The following UNC13C variants were observed in gnomAD, a reference collection of about 807,000 sequenced individuals.
UNC13C encodes the protein unc-13 homolog C.
UNC13C carries 174 observed loss-of-function variants against 245.4 expected under a neutral mutation model. The ratio of observed to expected loss-of-function variants is 0.71; its 90% confidence interval spans 0.63 to 0.80. The LOEUF is 0.80. UNC13C is among the 30% of genes least tolerant of loss of function. The probability of loss-of-function intolerance (pLI) is 0.00; values close to 1 mark genes in which losing one functional copy is unlikely to be tolerated. For synonymous variants in UNC13C, 992 were observed against 895.1 expected, an observed-to-expected ratio of 1.11 and a Z score of -1.93; for missense variants, 2,829 against 2,602.9, an observed-to-expected ratio of 1.09 and a Z score of -1.89.
intron 24 of UNC13C, among the ~76,000 whole-genome samples, chr15:54,524,613 C>T (rs750807694): frequency 3.9e-5 from 6 of 152,168 alleles, no homozygotes; most frequent in Non-Finnish European, 8.8e-5. Context: ...GATTATAGGA[C>T]TTATGTCCAA....
intron 25 of UNC13C, among the ~76,000 whole-genome samples, chr15:54,532,391 C>A (rs1469500675): frequency 1.3e-5 from 2 of 152,156 alleles, no homozygotes; most frequent in African/African-American, 4.8e-5. Context: ...ATGCTCATTG[C>A]AACACTATTC....
chr15:54,111,640 A>G (rs1900778914), intron 2 of UNC13C, among the ~76,000 whole-genome samples: 1 of 152,182 alleles, frequency 6.6e-6, no homozygotes, highest in South Asian at 2.1e-4. Flanking sequence ...TAATTACTGA[A>G]TGTTTCCATG....
In UNC13C at chr15:54,184,668, C is replaced by T. The variant is rs1375255555; in HGVS notation, c.3071+40984C>T. Among the ~76,000 whole-genome samples, 33 of 152,194 alleles carry T rather than the reference C, an allele frequency of 2.2e-4. 1 individual carries two copies. Among genetic ancestry groups the T allele is most frequent in the South Asian group, 1.9e-3 (9 of 4,816 alleles). ...ACATTTTCTTAATCCAGTCCATCAT[C>T]GTTGGACATTTGGGTTGGTTCCAAG... is the stretch of plus-strand genomic sequence containing the variant. On this transcript the variant is annotated intron_variant, in intron 4 of 32. Transcript: ENST00000260323.
intron 30 of UNC13C, among the ~76,000 whole-genome samples, chr15:54,572,519 G>C (rs1229161044): frequency 6.7e-6 from 1 of 149,330 alleles, no homozygotes. Flanking sequence ...TCTGCCTCCT[G>C]GGTTCCAGCG....
rs375965716 is a variant in UNC13C at position 54,012,912 on chromosome 15, T to G, written c.9T>G (p.Ala3=). 19 of 1,596,408 alleles carry G rather than the reference T, an allele frequency of 1.2e-5. No individual in the cohort carries two copies. Among genetic ancestry groups the G allele is most frequent in the Non-Finnish European group, 1.6e-5 (19 of 1,172,452 alleles). ...TGCACTAATTGCTCTCCATGGTGGCTAATTTTTTCAAGAGCTTGATTTTAC... is the reference window on the plus strand; with the variant it reads ...TGCACTAATTGCTCTCCATGGTGGCGAATTTTTTCAAGAGCTTGATTTTAC... The part of the protein sequence containing the change: MV[A]NFFKSLILPY... The change falls in exon 2 of 33, where the codon GCT becomes GCG. Residue 3 remains alanine (A), a synonymous_variant. Coordinates refer to ENST00000260323, the MANE Select transcript of UNC13C (RefSeq NM_001080534.3).
At chr15:54,292,858 A>C (rs2414294) in intron 10 of UNC13C, among the ~76,000 whole-genome samples, 51,890 of 148,422 alleles carry the variant, frequency 0.35, 9,425 homozygotes, top group Middle Eastern at 0.43. Flanking sequence ...TCCTCTCTCT[A>C]TATATTATAA....
At chr15:54,585,442 G>A (rs979272371) in intron 30 of UNC13C, among the ~76,000 whole-genome samples, 1 of 152,120 alleles carries the variant, frequency 6.6e-6, no homozygotes, top group Non-Finnish European at 1.5e-5. Flanking sequence ...TGTGCTTCTT[G>A]GGCAGTCTGC....
the UNC13C span, among the ~76,000 whole-genome samples, chr15:53,882,376 A>G: frequency 0.17 from 26,061 of 152,110 alleles, 2,844 homozygotes; most frequent in Non-Finnish European, 0.24. Context: ...TAAAATTTAT[A>G]TATACCCAAA....
intron 19 of UNC13C, among the ~76,000 whole-genome samples, chr15:54,473,793 T>C (rs1892584045): frequency 6.6e-6 from 1 of 151,886 alleles, no homozygotes; most frequent in Admixed American, 6.6e-5. Flanking sequence ...GTTACACATG[T>C]AGTGGTGAAG....
the UNC13C span, among the ~76,000 whole-genome samples, chr15:53,908,797 A>AT: frequency 2.8e-5 from 4 of 142,974 alleles, 2 homozygotes; most frequent in Admixed American, 1.5e-4. Flanking sequence ...GGTTTTATAC[A>AT]TTTTTTCAAA....
At chr15:54,238,070 T>C (rs954101927) in intron 7 of UNC13C, among the ~76,000 whole-genome samples, 5 of 117,966 alleles carry the variant, frequency 4.2e-5, no homozygotes, top group African/African-American at 1.8e-4. Context: ...CTCAGGACTT[T>C]TATAGGTTTT....
At chr15:54,096,219 G>A (rs1372317104) in intron 2 of UNC13C, among the ~76,000 whole-genome samples, 2 of 152,176 alleles carry the variant, frequency 1.3e-5, no homozygotes, top group Non-Finnish European at 2.9e-5. Flanking sequence ...ATTCAGATCT[G>A]AAGCTTAAAA....
intron 19 of UNC13C, among the ~76,000 whole-genome samples, chr15:54,420,267 C>T (rs761491780): frequency 2.2e-4 from 33 of 152,178 alleles, no homozygotes; most frequent in Middle Eastern, 3.4e-3. Context: ...AGGTGACATA[C>T]TTACATGGCT....
chr15:53,874,799 A>G, the UNC13C span, among the ~76,000 whole-genome samples: 49 of 152,204 alleles, frequency 3.2e-4, no homozygotes, highest in Non-Finnish European at 5.6e-4. Flanking sequence ...CCATGTAAAT[A>G]ATTTAAAAAA....
At chr15:54,552,565 A>C (rs1330104026) in intron 28 of UNC13C, among the ~76,000 whole-genome samples, 2 of 18,562 alleles carry the variant, frequency 1.1e-4, no homozygotes, top group Admixed American at 1.8e-3. Flanking sequence ...ATAATTATAT[A>C]TTATATATAA....
At chr15:54,124,054 C>T (rs12913030) in intron 2 of UNC13C, among the ~76,000 whole-genome samples, 57,415 of 151,792 alleles carry the variant, frequency 0.38, 10,974 homozygotes, top group African/African-American at 0.41. Context: ...TGCTGACTAG[C>T]GTCCTATGAC....
chr15:53,909,270 G>A, the UNC13C span, among the ~76,000 whole-genome samples: 1 of 146,260 alleles, frequency 6.8e-6, no homozygotes, highest in Non-Finnish European at 1.5e-5. Flanking sequence ...TTTCTGCACT[G>A]TGCTTTTTTT....
At chr15:54,588,036 G>A (rs1333314692) in intron 30 of UNC13C, among the ~76,000 whole-genome samples, 2 of 152,134 alleles carry the variant, frequency 1.3e-5, no homozygotes, top group African/African-American at 4.8e-5. Flanking sequence ...ATGGTGTTCT[G>A]TATTAGGCAT....
intron 8 of UNC13C, among the ~76,000 whole-genome samples, chr15:54,258,709 C>A (rs1286388980): frequency 6.6e-6 from 1 of 152,092 alleles, no homozygotes; most frequent in East Asian, 1.9e-4. Context: ...ACCTTTTTGA[C>A]ATGCTGAAAT....
Sources: allele counts gnomAD v4.1 joint callset (sites outside exome capture counted in the v4.1 genomes callset), GRCh38; gene constraint gnomAD v4.1.1; transcripts MANE v1.5; gene names NCBI Gene and HGNC (gene_info 2026-07-23, HGNC 2026-07-21).